ARFIP1: variants seen among roughly 807,000 people sequenced by gnomAD.
ARFIP1 encodes ARF interacting protein 1.
ARFIP1 carries 24 observed loss-of-function variants against 42.5 expected under a neutral mutation model. The observed-to-expected ratio is 0.57, with a 90% CI of 0.41 to 0.80. The LOEUF (loss-of-function observed/expected upper bound fraction) is 0.80. ARFIP1 is among the 30% of genes least tolerant of loss of function. The pLI, the probability that ARFIP1 is intolerant of heterozygous loss-of-function variation, is 0.00. For missense variants in ARFIP1, 354 were observed against 434.0 expected, an observed-to-expected ratio of 0.82 and a Z score of 1.64; for synonymous variants, 141 against 153.7, an observed-to-expected ratio of 0.92 and a Z score of 0.61.
At chr4:152,825,269 T>C (rs1338687996) in intron 1 of ARFIP1, among the ~76,000 whole-genome samples, 2 of 151,912 alleles carry the variant, frequency 1.3e-5, no homozygotes, top group Non-Finnish European at 2.9e-5. Context: ...AAGGAATAAA[T>C]CTAGAGGCAT....
intron 8 of ARFIP1, among the ~76,000 whole-genome samples, chr4:152,898,577 C>T (rs949951180): frequency 6.6e-6 from 1 of 152,032 alleles, no homozygotes; most frequent in African/African-American, 2.4e-5. Context: ...CACAGACTGC[C>T]TACGGAGAGG....
chr4:152,876,855 G>A (rs544851190), intron 5 of ARFIP1, among the ~76,000 whole-genome samples: 1 of 152,312 alleles, frequency 6.6e-6, no homozygotes, highest in East Asian at 1.9e-4. Context: ...GTAGAGCTTG[G>A]GCTGTGGCTT....
rs1034354973 is a variant in ARFIP1 at position 152,856,225 on chromosome 4, T to C, written c.94-7381T>C. 5.9e-5 allele frequency among the ~76,000 whole-genome samples: 9 copies of C among 152,222 alleles called. No homozygotes were observed. The East Asian group carries it at 1.7e-3, about 29-fold the overall frequency. ...TCAGATAGTACTGCTATTATATCTC[T>C]TTTCCAGAAATTTACACAATATTCT... On this transcript the variant is annotated intron_variant, in intron 2 of 8. Transcript: ENST00000353617.
chr4:152,814,411 A>G lies in ARFIP1; in HGVS notation c.-9-15214A>G, dbSNP rs530408040. On this transcript the variant is annotated intron_variant, in intron 1 of 8. Coordinates refer to ENST00000353617, the MANE Select transcript of ARFIP1 (RefSeq NM_001025595.3). ...TCCTAGCCAGTTTCTGTCTTTCATCACTTTAAAAATGTTTCAGCTCAGGTG... is the reference window on the plus strand; with the variant it reads ...TCCTAGCCAGTTTCTGTCTTTCATCGCTTTAAAAATGTTTCAGCTCAGGTG... 1.7e-3 allele frequency among the ~76,000 whole-genome samples: 251 copies of G among 151,914 alleles called. 4 individuals are homozygous for G. The highest frequency in any genetic ancestry group is 7.2e-4 in the Non-Finnish European group (49 of 67,936).
At chr4:152,814,312 T>C (rs536287979) in intron 1 of ARFIP1, among the ~76,000 whole-genome samples, 1 of 152,270 alleles carries the variant, frequency 6.6e-6, no homozygotes, top group African/African-American at 2.4e-5. Flanking sequence ...CAGGCTGGAC[T>C]TGAACTCCTG....
rs551201581 is a variant in ARFIP1 at position 152,867,449 on chromosome 4, T to C, written c.203-3304T>C. Among the ~76,000 whole-genome samples, 144 of 151,726 alleles carry C rather than the reference T, an allele frequency of 9.5e-4. 4 individuals carry two copies. In the South Asian group the frequency reaches 0.03, roughly 31 times the overall value. ...GCAGTGAGCCGAGATGGCAGCAGTATAGTCCAGCTTCTGCTCGGCATCAGA... is the reference window on the plus strand; with the variant it reads ...GCAGTGAGCCGAGATGGCAGCAGTACAGTCCAGCTTCTGCTCGGCATCAGA... On this transcript the variant is annotated intron_variant, in intron 3 of 8. Coordinates refer to ENST00000353617, the MANE Select transcript of ARFIP1 (RefSeq NM_001025595.3).
rs75618419 is a variant in ARFIP1 at position 152,807,453 on chromosome 4, C to T, written c.-9-22172C>T. Among the ~76,000 whole-genome samples the T allele has an allele frequency of 4.5e-4, 69 of 152,184 alleles. 1 individual carries two copies. Among genetic ancestry groups the T allele is most frequent in the South Asian group, 1.7e-3 (8 of 4,824 alleles). On this transcript the variant is annotated intron_variant, in intron 1 of 8. Transcript: ENST00000353617. ...GTATTATAGTCATCTTTACTTGAGC[C>T]GTTATAGTGGTTATGTAGTGGCATC...
Position 152,829,705 on chromosome 4 carries a change from T to C in ARFIP1, c.72T>C (p.Ser24=). 6.2e-7 allele frequency: 1 copy of C among 1,609,726 alleles called. No individual in the cohort carries two copies. Among genetic ancestry groups the C allele is most frequent in the Non-Finnish European group, 8.5e-7 (1 of 1,177,560 alleles). Residue 24 remains serine (S), a synonymous_variant, in exon 2 of 9, where the codon TCT becomes TCC. Transcript: ENST00000353617. ...PVTSNGEVDD[S]REHSFNRDLK... ...CTAGTAATGGAGAAGTTGATGACTC[T>C]CGTGAACATAGCTTTAATAGGGTAA... is the stretch of plus-strand genomic sequence containing the variant.
chr4:152,861,443 A>G (rs1374265764), intron 2 of ARFIP1, among the ~76,000 whole-genome samples: 2 of 152,216 alleles, frequency 1.3e-5, no homozygotes, highest in Non-Finnish European at 2.9e-5. Flanking sequence ...CTCATTGAAA[A>G]CAGTGAAAAA....
At chr4:152,803,688 T>C in intron 1 of ARFIP1, among the ~76,000 whole-genome samples, 1 of 152,072 alleles carries the variant, frequency 6.6e-6, no homozygotes. Flanking sequence ...CCAGGTGTCC[T>C]AGTTTAATTC....
chr4:152,904,729 G>A (rs1054726685), intron 8 of ARFIP1, among the ~76,000 whole-genome samples: 30 of 152,108 alleles, frequency 2.0e-4, no homozygotes, highest in African/African-American at 6.3e-4. Context: ...ACATGATCCT[G>A]TTCCTTTTTA....
Position 152,781,767 on chromosome 4 carries a change from T to C in ARFIP1, c.-10+1541T>C, listed in dbSNP as rs187214397. Among the ~76,000 whole-genome samples, 194 of 152,374 alleles carry C rather than the reference T, an allele frequency of 1.3e-3. 1 individual carries two copies. Among genetic ancestry groups the C allele is most frequent in the African/African-American group, 4.4e-3 (182 of 41,594 alleles). On this transcript the variant is annotated intron_variant, in intron 1 of 8. Transcript: ENST00000353617. ...GATTAAATCCCTGCCTCAGTTACTT[T>C]AGTTTCTTTCCAAATTGATAAACTG...
chr4:152,867,243 C>T (rs1455257347), intron 3 of ARFIP1, among the ~76,000 whole-genome samples: 2 of 152,200 alleles, frequency 1.3e-5, no homozygotes, highest in Admixed American at 1.3e-4. Flanking sequence ...TCTGCAATCC[C>T]GGCACCTCGG....
chr4:152,861,848 A>G (rs1043894889), intron 2 of ARFIP1, among the ~76,000 whole-genome samples: 7 of 152,038 alleles, frequency 4.6e-5, no homozygotes, highest in Non-Finnish European at 8.8e-5. Flanking sequence ...TTTGTATTTT[A>G]ATTACTCTTA....
At chr4:152,843,686 C>T (rs534063592) in intron 2 of ARFIP1, among the ~76,000 whole-genome samples, 148 of 152,188 alleles carry the variant, frequency 9.7e-4, no homozygotes, top group Non-Finnish European at 1.8e-3. Context: ...CACAGGTTGT[C>T]AGGGAAGTGG....
In ARFIP1 at chr4:152,870,864, A is replaced by T; in HGVS notation, c.298+16A>T. ...GTTCCTGCAGGTATTCACTGCACTG[A>T]TTGGATAAAGCACTTATTGCTACTG... is the stretch of plus-strand genomic sequence containing the variant. On this transcript the variant is annotated intron_variant, in intron 4 of 8. Coordinates refer to ENST00000353617, the MANE Select transcript of ARFIP1 (RefSeq NM_001025595.3). 6.3e-7 allele frequency: 1 copy of T among 1,593,122 alleles called. No homozygotes were observed. Among genetic ancestry groups the T allele is most frequent in the Non-Finnish European group, 8.6e-7 (1 of 1,161,524 alleles).
intron 1 of ARFIP1, among the ~76,000 whole-genome samples, chr4:152,805,332 G>T (rs760592451): frequency 1.3e-5 from 2 of 152,210 alleles, no homozygotes; most frequent in African/African-American, 2.4e-5. Context: ...ATGAGGTAGT[G>T]TATAGAATTG....
chr4:152,885,859 A>G (rs890865883), intron 7 of ARFIP1, among the ~76,000 whole-genome samples: 5 of 151,970 alleles, frequency 3.3e-5, no homozygotes, highest in Non-Finnish European at 5.9e-5. Flanking sequence ...TAATTTGGCC[A>G]TAATAATAAG....
At chr4:152,864,385 T>C (rs1302488260) in intron 3 of ARFIP1, among the ~76,000 whole-genome samples, 1 of 152,232 alleles carries the variant, frequency 6.6e-6, no homozygotes, top group Non-Finnish European at 1.5e-5. Flanking sequence ...GTGACACTCA[T>C]GGCTATGATT....
Sources: gnomAD v4.1 joint callset for allele counts (sites outside exome capture counted in the v4.1 genomes callset) on GRCh38, gnomAD v4.1.1 for gene constraint, MANE v1.5 for transcripts, NCBI Gene and HGNC (gene_info 2026-07-23, HGNC 2026-07-21) for gene names.